The following HDAC4 variants were observed in gnomAD, a reference collection of about 807,000 sequenced individuals.
The protein encoded by HDAC4 is histone deacetylase A.
Under a neutral mutation model 135.1 loss-of-function variants are expected in HDAC4, and 16 were observed. The ratio of observed to expected loss-of-function variants is 0.12; its 90% CI spans 0.08 to 0.18. The LOEUF (loss-of-function observed/expected upper bound fraction) is 0.18. Among genes scored for constraint, HDAC4 ranks in the 10% least tolerant of loss-of-function variants. The pLI is 1.00. For synonymous variants in HDAC4, 685 were observed against 653.4 expected, an observed-to-expected ratio of 1.05 and a Z score of -0.74; for missense variants, 1,143 against 1,511.8, an observed-to-expected ratio of 0.76 and a Z score of 4.05.
chr2:239,335,761 A>C (rs1041829553), intron 2 of HDAC4, among the ~76,000 whole-genome samples: 1 of 152,220 alleles, frequency 6.6e-6, no homozygotes, highest in African/African-American at 2.4e-5. Flanking sequence ...ATACAAATGA[A>C]ACTACAATAG....
At chr2:239,074,043 CAGCAGGACTGAGTGGGGA>C (rs1291401538) in intron 22 of HDAC4, among the ~76,000 whole-genome samples, 3 of 140,590 alleles carry the variant, frequency 2.1e-5, no homozygotes, top group African/African-American at 8.0e-5. Context: ...CTGAGGGGGG[CAGCAGGACTGAGTGGGGA>C]AGCAGGACTG....
intron 4 of HDAC4, among the ~76,000 whole-genome samples, chr2:239,187,475 G>A (rs2044633774): frequency 6.6e-6 from 1 of 152,266 alleles, no homozygotes. Context: ...GCCCTGGGCA[G>A]GCTGCAGGGA....
At chr2:239,323,975 C>A (rs1001409650) in intron 2 of HDAC4, among the ~76,000 whole-genome samples, 1 of 152,184 alleles carries the variant, frequency 6.6e-6, no homozygotes, top group Non-Finnish European at 1.5e-5. Context: ...CCCCTAGAAT[C>A]CAGGCCACAG....
At chr2:239,363,176 T>C (rs1386255612) in intron 1 of HDAC4, among the ~76,000 whole-genome samples, 2 of 152,150 alleles carry the variant, frequency 1.3e-5, no homozygotes, top group Non-Finnish European at 2.9e-5. Flanking sequence ...AGGAGGAATA[T>C]ACCATGTGCA....
intron 19 of HDAC4, among the ~76,000 whole-genome samples, chr2:239,084,651 CACAG>C (rs1373243191): frequency 6.7e-6 from 1 of 149,022 alleles, no homozygotes; most frequent in African/African-American, 2.5e-5. Flanking sequence ...GTACACCCCA[CACAG>C]ACACACACAC....
At chr2:239,192,714 T>C (rs2045080769) in intron 3 of HDAC4, among the ~76,000 whole-genome samples, 1 of 152,152 alleles carries the variant, frequency 6.6e-6, no homozygotes. Context: ...GGCACGCGGT[T>C]CTCCTGGGAC....
Position 239,190,602 on chromosome 2 carries a change from G to A in HDAC4, c.95-525C>T, listed in dbSNP as rs557000928. ...TGCCCCAGAAGTGGTCCAGACAGAC[G>A]CTCGAGACCCGGAGCCCGTTTCCAT... On this transcript the variant is annotated intron_variant, in intron 3 of 26. Coordinates refer to ENST00000543185, the MANE Select transcript of HDAC4 (RefSeq NM_001378414.1). Among the ~76,000 whole-genome samples, 27 of 152,234 alleles carry A rather than the reference G, an allele frequency of 1.8e-4. 1 individual carries two copies. In the South Asian group the frequency reaches 4.1e-3, roughly 23 times the overall value.
chr2:239,298,648 G>A (rs1043935356), intron 2 of HDAC4: 14 of 985,206 alleles, frequency 1.4e-5, no homozygotes, highest in East Asian at 1.2e-4. Context: ...TTACAGAGCC[G>A]TGAGACTGTG....
At chr2:239,079,781 C>T (rs1021385254) in intron 22 of HDAC4, among the ~76,000 whole-genome samples, 1 of 152,170 alleles carries the variant, frequency 6.6e-6, no homozygotes, top group Admixed American at 6.5e-5. Flanking sequence ...CAAAGACGTG[C>T]ATGCAAAGAC....
chr2:239,113,219 T>C (rs1431317012), intron 13 of HDAC4, among the ~76,000 whole-genome samples: 1 of 152,140 alleles, frequency 6.6e-6, no homozygotes, highest in Admixed American at 6.5e-5. Context: ...CACTGCACTC[T>C]AGCCTGGGCA....
At chr2:239,316,741 A>G (rs2125735955) in intron 2 of HDAC4, among the ~76,000 whole-genome samples, 1 of 152,312 alleles carries the variant, frequency 6.6e-6, no homozygotes, top group Non-Finnish European at 1.5e-5. Flanking sequence ...CCGTGCAAGA[A>G]AGTGGGCAAA....
chr2:239,158,601 C>T (rs1419655698), intron 6 of HDAC4, among the ~76,000 whole-genome samples: 4 of 152,044 alleles, frequency 2.6e-5, no homozygotes, highest in African/African-American at 9.7e-5. Flanking sequence ...CCCTGCCCCC[C>T]AACTGCCAGC....
At chr2:239,158,020 C>T (rs936304568) in intron 6 of HDAC4, among the ~76,000 whole-genome samples, 4 of 152,206 alleles carry the variant, frequency 2.6e-5, no homozygotes, top group Non-Finnish European at 5.9e-5. Context: ...CGCTGTTTCC[C>T]GGGGAATTCC....
At chr2:239,230,723 T>G (rs932368422) in intron 3 of HDAC4, among the ~76,000 whole-genome samples, 2 of 152,198 alleles carry the variant, frequency 1.3e-5, no homozygotes, top group African/African-American at 4.8e-5. Context: ...CGCAGGAATA[T>G]TACAACCAAG....
intron 2 of HDAC4, among the ~76,000 whole-genome samples, chr2:239,340,660 T>G (rs1212721142): frequency 6.6e-6 from 1 of 152,158 alleles, no homozygotes; most frequent in East Asian, 1.9e-4. Flanking sequence ...GATGCTCACG[T>G]GTATGTTTGT....
chr2:239,128,029 G>A (rs1471856128), intron 11 of HDAC4, among the ~76,000 whole-genome samples: 2 of 152,200 alleles, frequency 1.3e-5, no homozygotes, highest in Non-Finnish European at 2.9e-5. Flanking sequence ...ACTAAACCCA[G>A]CAAGACCCCA....
intron 6 of HDAC4, among the ~76,000 whole-genome samples, chr2:239,158,149 T>C (rs1033001137): frequency 6.6e-6 from 1 of 152,218 alleles, no homozygotes; most frequent in African/African-American, 2.4e-5. Flanking sequence ...TCCCTGTAGT[T>C]CTACCCCTCG....
Position 239,349,771 on chromosome 2 carries a change from A to T in HDAC4, c.22+2907T>A, listed in dbSNP as rs1692987613. 6.6e-6 allele frequency among the ~76,000 whole-genome samples: 1 copy of T among 152,236 alleles called. No individual in the cohort carries two copies. Among genetic ancestry groups the T allele is most frequent in the African/African-American group, 2.4e-5 (1 of 41,466 alleles). On this transcript the variant is annotated intron_variant, in intron 2 of 26. Coordinates refer to ENST00000543185, the MANE Select transcript of HDAC4 (RefSeq NM_001378414.1). The surrounding 1 kb of genome is among the most constrained non-coding windows in gnomAD (Gnocchi z 5.7). ...AGGGAAAGATGACAGCGGACAGGGC[A>T]GAGGAGGCAGCCAGCAGACTTCAGG...
chr2:239,195,527 G>T (rs529133460), intron 3 of HDAC4, among the ~76,000 whole-genome samples: 1 of 152,310 alleles, frequency 6.6e-6, no homozygotes, highest in Non-Finnish European at 1.5e-5. Context: ...TCGCATTCAC[G>T]CATTCGTGCG....
Sources: gnomAD v4.1 joint callset for allele counts (sites outside exome capture counted in the v4.1 genomes callset) on GRCh38, gnomAD v4.1.1 for gene constraint, Gnocchi (gnomAD v3.1) non-coding constraint, MANE v1.5 for transcripts, NCBI Gene and HGNC (gene_info 2026-07-23, HGNC 2026-07-21) for gene names.